HIVEP3: variants seen among roughly 807,000 people sequenced by gnomAD.
HIVEP3 encodes the protein HIVEP zinc finger 3, also known as transcription factor HIVEP3.
HIVEP3 carries 49 observed loss-of-function variants against 152.8 expected under a neutral mutation model. The observed-to-expected ratio is 0.32, with a 90% CI of 0.26 to 0.41. The LOEUF (loss-of-function observed/expected upper bound fraction) is 0.41. Ranked by LOEUF, HIVEP3 falls within the 10% of genes least tolerant of loss-of-function variation. The pLI, the probability that HIVEP3 is intolerant of heterozygous loss-of-function variation, is 1.00. For missense variants in HIVEP3, 2,790 were observed against 3,103.3 expected, an observed-to-expected ratio of 0.90 and a Z score of 2.40; for synonymous variants, 1,269 against 1,289.0, an observed-to-expected ratio of 0.98 and a Z score of 0.33.
chr1:41,834,500 A>T (rs1428596867), intron 1 of HIVEP3, among the ~76,000 whole-genome samples: 1 of 152,180 alleles, frequency 6.6e-6, no homozygotes, highest in East Asian at 1.9e-4. Flanking sequence ...CATCCTATAA[A>T]GGGTCTGACT....
intron 1 of HIVEP3, among the ~76,000 whole-genome samples, chr1:41,947,188 GC>G (rs1645079814): frequency 6.6e-6 from 1 of 152,206 alleles, no homozygotes; most frequent in East Asian, 1.9e-4. Flanking sequence ...CAAGACTTGA[GC>G]CAGTTCTCAT....
chr1:41,740,772 C>T (rs772383497), intron 1 of HIVEP3, among the ~76,000 whole-genome samples: 25 of 152,232 alleles, frequency 1.6e-4, no homozygotes, highest in Non-Finnish European at 3.2e-4. Flanking sequence ...CACAAGGAGT[C>T]TGCAGTCATG....
At chr1:41,616,733 T>G (rs926119217) in intron 3 of HIVEP3, among the ~76,000 whole-genome samples, 1 of 151,546 alleles carries the variant, frequency 6.6e-6, no homozygotes, top group Non-Finnish European at 1.5e-5. Flanking sequence ...GATTACAGGC[T>G]TGTGCTACTG....
rs984905702 is a variant in HIVEP3, at chr1:41,784,833, G to A, written c.-800-83838C>T. On this transcript the variant is annotated intron_variant, in intron 1 of 8. Coordinates refer to ENST00000372583, the MANE Select transcript of HIVEP3 (RefSeq NM_024503.5). ...ATTAGCCACAAAACAGGTTTCTGGT[G>A]AGAATGTAAGTTTTTACATTTTTTT... Among the ~76,000 whole-genome samples the A allele has an allele frequency of 2.0e-5, 3 of 152,158 alleles. No individual in the cohort carries two copies. The East Asian group carries it at 5.8e-4, about 29-fold the overall frequency.
rs1464383588 is a variant in HIVEP3 at position 41,666,497 on chromosome 1, C to T, written c.-721+34419G>A. ...GCTGCTGGGAAGTTTTGACAAGACA[C>T]TGCAATAGAACTCTTCAGTGTACAA... On this transcript the variant is annotated intron_variant, in intron 2 of 8. Transcript: ENST00000372583. Among the ~76,000 whole-genome samples, 3 of 152,200 alleles carry T rather than the reference C, an allele frequency of 2.0e-5. No homozygotes were observed. The East Asian group carries it at 5.8e-4, about 29-fold the overall frequency.
At chr1:42,033,857 G>A (rs1020895725) in intron 1 of HIVEP3, among the ~76,000 whole-genome samples, 9 of 152,204 alleles carry the variant, frequency 5.9e-5, no homozygotes, top group African/African-American at 2.2e-4. Flanking sequence ...TTGAACTCAG[G>A]CTGCCTAGGT....
At chr1:41,603,798 C>T (rs1644780297) in intron 3 of HIVEP3, among the ~76,000 whole-genome samples, 1 of 152,172 alleles carries the variant, frequency 6.6e-6, no homozygotes, top group Non-Finnish European at 1.5e-5. Flanking sequence ...GTGTATTCTG[C>T]TGCTATTTGG....
chr1:41,967,547 G>C (rs1055471725), intron 1 of HIVEP3, among the ~76,000 whole-genome samples: 1 of 152,188 alleles, frequency 6.6e-6, no homozygotes, highest in Non-Finnish European at 1.5e-5. Context: ...AGCTAAAGCA[G>C]TGTTTAGAGA....
intron 1 of HIVEP3, among the ~76,000 whole-genome samples, chr1:41,765,812 T>C (rs1319161948): frequency 1.3e-5 from 2 of 152,014 alleles, no homozygotes; most frequent in South Asian, 2.1e-4. Flanking sequence ...TGTTTGATGG[T>C]TTTCATGGGG....
intron 1 of HIVEP3, among the ~76,000 whole-genome samples, chr1:41,785,576 G>A (rs1330053918): frequency 3.0e-4 from 45 of 152,122 alleles, no homozygotes; most frequent in African/African-American, 8.9e-4. Context: ...AAAATGTCTG[G>A]CTTTGAAAAT....
intron 1 of HIVEP3, among the ~76,000 whole-genome samples, chr1:41,781,109 T>C (rs1430919141): frequency 6.6e-6 from 1 of 152,256 alleles, no homozygotes; most frequent in African/African-American, 2.4e-5. Flanking sequence ...GTTTTATAGC[T>C]GGCTGACCAG....
intron 1 of HIVEP3, among the ~76,000 whole-genome samples, chr1:41,824,635 T>C (rs532065692): frequency 1.3e-5 from 2 of 151,516 alleles, no homozygotes; most frequent in Non-Finnish European, 2.9e-5. Context: ...TATACTGTTT[T>C]TCGTGACAAG....
At chr1:41,687,747 G>T (rs1175296496) in intron 2 of HIVEP3, among the ~76,000 whole-genome samples, 2 of 152,192 alleles carry the variant, frequency 1.3e-5, no homozygotes, top group Non-Finnish European at 2.9e-5. Flanking sequence ...TCTACCAAAA[G>T]GTGAAATCAT....
chr1:41,588,219 T>C (rs1031577766), intron 3 of HIVEP3, among the ~76,000 whole-genome samples: 3 of 152,186 alleles, frequency 2.0e-5, no homozygotes, highest in African/African-American at 7.2e-5. Context: ...GAGAGGCCTT[T>C]GGGTGCTATG....
intron 1 of HIVEP3, among the ~76,000 whole-genome samples, chr1:41,841,711 A>C (rs12067332): frequency 0.34 from 51,671 of 152,158 alleles, 8,981 homozygotes; most frequent in Non-Finnish European, 0.38. Flanking sequence ...CTCACGCGTA[A>C]GTGATGGCTC....
intron 5 of HIVEP3, among the ~76,000 whole-genome samples, chr1:41,570,950 A>G (rs919264268): frequency 3.9e-5 from 6 of 152,276 alleles, no homozygotes; most frequent in African/African-American, 1.4e-4. Context: ...CAGCCAAAGT[A>G]TTTTTAAGGT....
At chr1:41,557,930 G>A (rs1181773506) in intron 5 of HIVEP3, among the ~76,000 whole-genome samples, 1 of 152,192 alleles carries the variant, frequency 6.6e-6, no homozygotes, top group Non-Finnish European at 1.5e-5. Flanking sequence ...GAGAAAACAA[G>A]CCCTGCAAGC....
chr1:41,944,110 A>G (rs1301558790), intron 1 of HIVEP3, among the ~76,000 whole-genome samples: 2 of 152,232 alleles, frequency 1.3e-5, no homozygotes, highest in East Asian at 1.9e-4. Flanking sequence ...GTTGCCAGGG[A>G]CTGGGCAGGA....
intron 2 of HIVEP3, among the ~76,000 whole-genome samples, chr1:41,658,801 A>G (rs534764184): frequency 2.0e-5 from 3 of 152,360 alleles, no homozygotes; most frequent in East Asian, 1.9e-4. Context: ...GATGTATGAC[A>G]TCATGGTTAT....
Sources: gnomAD v4.1 joint callset for allele counts (sites outside exome capture counted in the v4.1 genomes callset) on GRCh38, gnomAD v4.1.1 for gene constraint, MANE v1.5 for transcripts, NCBI Gene and HGNC (gene_info 2026-07-23, HGNC 2026-07-21) for gene names.